The following RARB variants were observed in gnomAD, a reference collection of about 807,000 sequenced individuals.
The protein encoded by RARB is retinoic acid receptor beta.
A neutral mutation model predicts 51.9 loss-of-function variants in RARB; 17 were observed. The observed-to-expected ratio is 0.33, with a 90% CI of 0.22 to 0.49. The LOEUF (loss-of-function observed/expected upper bound fraction) is 0.49. Ranked by LOEUF, RARB falls within the 20% of genes least tolerant of loss-of-function variation. The pLI, the probability that RARB is intolerant of heterozygous loss-of-function variation, is 0.99. For synonymous variants in RARB, 215 were observed against 195.4 expected, an observed-to-expected ratio of 1.10 and a Z score of -0.84; for missense variants, 369 against 550.8, an observed-to-expected ratio of 0.67 and a Z score of 3.30.
At chr3:25,582,313 A>G (rs888503364) in intron 5 of RARB, among the ~76,000 whole-genome samples, 2 of 152,182 alleles carry the variant, frequency 1.3e-5, no homozygotes, top group African/African-American at 2.4e-5. Context: ...ATTAGCAGAG[A>G]CTGGAGTTAC....
chr3:25,570,577 G>A (rs1700669491), intron 4 of RARB, among the ~76,000 whole-genome samples: 1 of 152,200 alleles, frequency 6.6e-6, no homozygotes, highest in African/African-American at 2.4e-5. Context: ...AAGAGAGGCA[G>A]GAAAAAGAGA....
intron 5 of RARB, among the ~76,000 whole-genome samples, chr3:25,233,170 A>G (rs1702221892): frequency 6.6e-6 from 1 of 151,796 alleles, no homozygotes; most frequent in Non-Finnish European, 1.5e-5. Flanking sequence ...CATGCTGGCC[A>G]GGCTGGTCTT....
intron 1 of RARB, among the ~76,000 whole-genome samples, chr3:24,831,137 G>C (rs929408186): frequency 6.6e-6 from 1 of 152,170 alleles, no homozygotes; most frequent in Non-Finnish European, 1.5e-5. Context: ...ATAAAATGCA[G>C]CTAAATGAAG....
At chr3:25,279,665 A>C (rs528786094) in intron 5 of RARB, among the ~76,000 whole-genome samples, 1 of 151,928 alleles carries the variant, frequency 6.6e-6, no homozygotes, top group African/African-American at 2.4e-5. Context: ...AGAAAGTTAG[A>C]GTGGTTTTGA....
At chr3:25,449,431 T>G (rs1709093045) in intron 1 of RARB, among the ~76,000 whole-genome samples, 1 of 152,094 alleles carries the variant, frequency 6.6e-6, no homozygotes, top group Non-Finnish European at 1.5e-5. Flanking sequence ...AATTTTCCAG[T>G]TTTACTTTTG....
chr3:25,491,901 G>A (rs930654286), intron 2 of RARB, among the ~76,000 whole-genome samples: 8 of 151,360 alleles, frequency 5.3e-5, no homozygotes, highest in Non-Finnish European at 8.8e-5. Context: ...AGAATGCACC[G>A]CTGTACTCCA....
chr3:25,519,566 A>C (rs953382144), intron 3 of RARB, among the ~76,000 whole-genome samples: 4 of 152,210 alleles, frequency 2.6e-5, no homozygotes, highest in Non-Finnish European at 5.9e-5. Context: ...TAAGTTAGAA[A>C]GTATAAAACA....
chr3:25,165,193 T>A (rs1032358606), intron 4 of RARB, among the ~76,000 whole-genome samples: 1 of 152,114 alleles, frequency 6.6e-6, no homozygotes, highest in Non-Finnish European at 1.5e-5. Context: ...AAAGCCAAAC[T>A]CAGAAGCACA....
chr3:25,463,030 G>A lies in RARB; in HGVS notation c.306+1689G>A, dbSNP rs1040970443. 3.9e-5 allele frequency among the ~76,000 whole-genome samples: 6 copies of A among 152,132 alleles called. No homozygotes were observed. The East Asian group carries it at 9.6e-4, about 24-fold the overall frequency. On this transcript the variant is annotated intron_variant, in intron 2 of 7. Coordinates refer to ENST00000330688, the MANE Select transcript of RARB (RefSeq NM_000965.5). ...CTTTTAAATAAAATAAAACGAATCT[G>A]TCAACTTGAAAAAGCTTTTTTGTAG... is the stretch of plus-strand genomic sequence containing the variant.
intron 2 of RARB, among the ~76,000 whole-genome samples, chr3:25,475,770 G>A (rs1366903713): frequency 1.3e-5 from 2 of 152,184 alleles, no homozygotes; most frequent in Non-Finnish European, 2.9e-5. Context: ...TGGCTCTGCA[G>A]TGCTATTACT....
intron 2 of RARB, among the ~76,000 whole-genome samples, chr3:25,473,391 T>A (rs747485812): frequency 1.3e-5 from 2 of 152,044 alleles, no homozygotes. Flanking sequence ...GGGGAAAAGC[T>A]GGGGTTCTGG....
At chr3:25,302,162 C>G (rs1423366993) in intron 5 of RARB, among the ~76,000 whole-genome samples, 3 of 152,188 alleles carry the variant, frequency 2.0e-5, no homozygotes, top group African/African-American at 7.2e-5. Context: ...ATTTGGAAGC[C>G]TCCTACATTG....
intron 5 of RARB, among the ~76,000 whole-genome samples, chr3:25,383,497 G>A (rs1053117024): frequency 6.6e-6 from 1 of 152,234 alleles, no homozygotes; most frequent in Non-Finnish European, 1.5e-5. Flanking sequence ...GCTGAGCAAT[G>A]TTAGAGAATG....
intron 5 of RARB, among the ~76,000 whole-genome samples, chr3:25,300,375 C>T (rs1176811583): frequency 6.6e-6 from 1 of 152,212 alleles, no homozygotes; most frequent in African/African-American, 2.4e-5. Flanking sequence ...ATGTGCAAGA[C>T]TCTTGGTCTA....
intron 2 of RARB, among the ~76,000 whole-genome samples, chr3:24,912,682 G>T (rs1455962160): frequency 2.0e-5 from 3 of 152,140 alleles, no homozygotes; most frequent in African/African-American, 4.8e-5. Context: ...TCTCAGGGAA[G>T]AGAAAAATCT....
At chr3:25,212,045 T>C (rs2125378848) in intron 5 of RARB, among the ~76,000 whole-genome samples, 1 of 152,294 alleles carries the variant, frequency 6.6e-6, no homozygotes, top group South Asian at 2.1e-4. Context: ...GTATTTCTGT[T>C]TAGTGGGTTG....
At chr3:25,264,963 G>A (rs1024688871) in intron 5 of RARB, among the ~76,000 whole-genome samples, 1 of 152,160 alleles carries the variant, frequency 6.6e-6, no homozygotes, top group Admixed American at 6.5e-5. Context: ...GCCTTTGGGA[G>A]GTACTTATGT....
intron 5 of RARB, among the ~76,000 whole-genome samples, chr3:25,181,589 C>T (rs751268966): frequency 1.3e-5 from 2 of 152,178 alleles, no homozygotes; most frequent in African/African-American, 2.4e-5. Flanking sequence ...AGAAGTGCCT[C>T]ATGTTCTCAT....
intron 5 of RARB, among the ~76,000 whole-genome samples, chr3:25,592,377 G>C (rs895488364): frequency 6.6e-6 from 1 of 152,166 alleles, no homozygotes; most frequent in East Asian, 1.9e-4. Context: ...ACTTCTCTCT[G>C]TGCTTCAAGC....
Sources: allele counts gnomAD v4.1 joint callset (sites outside exome capture counted in the v4.1 genomes callset), GRCh38; gene constraint gnomAD v4.1.1; transcripts MANE v1.5; gene names NCBI Gene and HGNC (gene_info 2026-07-23, HGNC 2026-07-21).